Variants in MYCBP2 observed in about 807,000 individuals in gnomAD.
MYCBP2 encodes the protein MYC binding protein 2, also known as E3 ubiquitin-protein ligase MYCBP2.
In MYCBP2, 120 loss-of-function variants were observed where a neutral mutation model predicts 525.3. The ratio of observed to expected loss-of-function variants is 0.23; its 90% CI spans 0.20 to 0.27. The LOEUF (loss-of-function observed/expected upper bound fraction) is 0.27, where lower values mean the gene tolerates loss of function less well. MYCBP2 is among the 10% of genes least tolerant of loss of function. The probability of loss-of-function intolerance (pLI) is 1.00; values close to 1 mark genes in which losing one functional copy is unlikely to be tolerated. For synonymous variants in MYCBP2, 1,894 were observed against 1,955.8 expected, an observed-to-expected ratio of 0.97 and a Z score of 0.83; for missense variants, 4,149 against 5,657.1, an observed-to-expected ratio of 0.73 and a Z score of 8.55.
At chr13:77,295,317 A>C (rs1204460629) in intron 2 of MYCBP2, among the ~76,000 whole-genome samples, 1 of 152,166 alleles carries the variant, frequency 6.6e-6, no homozygotes, top group Admixed American at 6.5e-5. Context: ...TATTTTTCGT[A>C]GAGACAGGGT....
At chr13:77,226,256 T>G (rs1344281096) in intron 18 of MYCBP2, among the ~76,000 whole-genome samples, 1 of 152,120 alleles carries the variant, frequency 6.6e-6, no homozygotes, top group Non-Finnish European at 1.5e-5. Context: ...TCTCACAATT[T>G]CCTTCATTGA....
intron 55 of MYCBP2, among the ~76,000 whole-genome samples, chr13:77,105,737 C>CT (rs1466441441): frequency 6.6e-5 from 10 of 151,972 alleles, no homozygotes; most frequent in South Asian, 2.1e-4. Flanking sequence ...AATTTTGATT[C>CT]TTTTTTGGGT....
intron 33 of MYCBP2, among the ~76,000 whole-genome samples, chr13:77,181,349 A>G (rs1278690316): frequency 6.6e-6 from 1 of 152,144 alleles, no homozygotes; most frequent in African/African-American, 2.4e-5. Flanking sequence ...TCTATCTTAG[A>G]AATCTAAAAT....
intron 3 of MYCBP2, among the ~76,000 whole-genome samples, chr13:77,283,458 C>A (rs1367826546): frequency 6.6e-6 from 1 of 152,068 alleles, no homozygotes; most frequent in Non-Finnish European, 1.5e-5. Flanking sequence ...TTCTCAGGAC[C>A]TAATATAATG....
Position 77,243,075 on chromosome 13 carries a change from T to C in MYCBP2, c.2613A>G (p.Arg871=), listed in dbSNP as rs753400265. ...EKRQRVIRRH[R]LEEGRGPLVF... Reference sequence around the variant, plus strand: ...ACATCTTACCTCTTCCTTCCTCTAATCTGTGCCTTCTGATTACACGTTGCC... The same window carrying C: ...ACATCTTACCTCTTCCTTCCTCTAACCTGTGCCTTCTGATTACACGTTGCC... Residue 871 remains arginine (R), a synonymous_variant, in exon 17 of 83, where the codon AGA becomes AGG. Transcript: ENST00000544440. 17 of 1,614,104 alleles carry C rather than the reference T, an allele frequency of 1.1e-5. No homozygotes were observed. Among genetic ancestry groups the C allele is most frequent in the Non-Finnish European group, 1.2e-5 (14 of 1,179,972 alleles).
intron 30 of MYCBP2, among the ~76,000 whole-genome samples, chr13:77,186,590 A>C (rs1174747783): frequency 6.6e-6 from 1 of 152,170 alleles, no homozygotes. Flanking sequence ...AATAGAAGAT[A>C]AAAATTGACT....
At chr13:77,062,987 AAAC>A (rs2039575559) in intron 73 of MYCBP2, among the ~76,000 whole-genome samples, 1 of 152,198 alleles carries the variant, frequency 6.6e-6, no homozygotes, top group African/African-American at 2.4e-5. Flanking sequence ...TCTACTATGT[AAAC>A]AACATATGAA....
intron 55 of MYCBP2, among the ~76,000 whole-genome samples, chr13:77,116,717 A>G (rs544377651): frequency 6.6e-6 from 1 of 152,172 alleles, no homozygotes; most frequent in East Asian, 1.9e-4. Context: ...GGTGGTACTG[A>G]TAACACATAT....
chr13:77,051,311 T>C (rs967883774), intron 81 of MYCBP2, 149 bp from the exon 82 acceptor site: 32 of 657,654 alleles, frequency 4.9e-5, no homozygotes, highest in Non-Finnish European at 7.3e-5. Flanking sequence ...ATGATACACA[T>C]GTTTGAAAAC....
At chr13:77,069,361 G>A (rs180983942) in intron 69 of MYCBP2, among the ~76,000 whole-genome samples, 2 of 152,284 alleles carry the variant, frequency 1.3e-5, no homozygotes, top group East Asian at 1.9e-4. Context: ...CGTGGCTCAC[G>A]CCTGTAATCC....
At position 77,070,727 on chromosome 13, in the gene MYCBP2, G is replaced by GA. The variant is rs71749271; in HGVS notation, c.11824-17dup. On this transcript the variant is annotated splice_polypyrimidine_tract_variant and intron_variant, in intron 68 of 82. Transcript: ENST00000544440. ...CTGATGTTGCCTTTACATAGAAAAA[G>GA]AAAAAAAAAAAAAAGAATGAAGTGG... 75,415 of 1,059,556 alleles carry GA rather than the reference G, an allele frequency of 0.071. 2 individuals carry two copies. Among genetic ancestry groups the GA allele is most frequent in the East Asian group, 0.079 (2,702 of 34,030 alleles). 65.6% of individuals were successfully genotyped at this position (1,059,556 alleles called of 1,614,324 possible).
intron 20 of MYCBP2, among the ~76,000 whole-genome samples, chr13:77,220,128 G>GT (rs1393196319): frequency 3.9e-5 from 6 of 152,060 alleles, no homozygotes; most frequent in Admixed American, 3.9e-4. Context: ...CATGTTTGCG[G>GT]TTTTATCATG....
At chr13:77,319,887 T>C (rs1050549660) in intron 1 of MYCBP2, among the ~76,000 whole-genome samples, 3 of 152,170 alleles carry the variant, frequency 2.0e-5, no homozygotes, top group Non-Finnish European at 4.4e-5. Flanking sequence ...ACCAACTGCT[T>C]TGGGTAGGAG....
chr13:77,116,177 C>T (rs1423071305), intron 55 of MYCBP2, among the ~76,000 whole-genome samples: 1 of 151,938 alleles, frequency 6.6e-6, no homozygotes, highest in Non-Finnish European at 1.5e-5. Context: ...GTGTTTACTA[C>T]ATAGTGGCGA....
intron 2 of MYCBP2, among the ~76,000 whole-genome samples, chr13:77,289,354 T>TA: frequency 6.6e-6 from 1 of 152,080 alleles, no homozygotes; most frequent in East Asian, 1.9e-4. Flanking sequence ...CAACAATATA[T>TA]AAAAAAGTAA....
chr13:77,175,217 G>A (rs1365055230), intron 36 of MYCBP2, among the ~76,000 whole-genome samples: 2 of 151,282 alleles, frequency 1.3e-5, no homozygotes, highest in African/African-American at 4.9e-5. Flanking sequence ...ACAGGTGTGC[G>A]CTACTGTGCC....
rs554262430 is a variant in MYCBP2, at chr13:77,313,763, C to T, written c.302+12711G>A. 4.6e-5 allele frequency among the ~76,000 whole-genome samples: 7 copies of T among 152,088 alleles called. No homozygotes were observed. In the South Asian group the frequency reaches 1.5e-3, roughly 32 times the overall value. On this transcript the variant is annotated intron_variant, in intron 1 of 82. Transcript: ENST00000544440. ...TACCAAGAACTTTTTTCCCCATCTC[C>T]TCAGTTACACCCTCACAGAATACCA...
chr13:77,217,438 C>G (rs1406749888), intron 21 of MYCBP2, among the ~76,000 whole-genome samples: 1 of 151,962 alleles, frequency 6.6e-6, no homozygotes, highest in Non-Finnish European at 1.5e-5. Flanking sequence ...TAATTTTAAA[C>G]AAATCAAATA....
chr13:77,155,865 CA>C (rs904241942), intron 46 of MYCBP2, among the ~76,000 whole-genome samples, 192 bp downstream of exon 46: 3 of 151,610 alleles, frequency 2.0e-5, no homozygotes, highest in African/African-American at 4.8e-5. Context: ...AACAAACTCA[CA>C]AAAAAAACAG....
Sources: gnomAD v4.1 joint callset for allele counts (sites outside exome capture counted in the v4.1 genomes callset) on GRCh38, gnomAD v4.1.1 for gene constraint, MANE v1.5 for transcripts, NCBI Gene and HGNC (gene_info 2026-07-23, HGNC 2026-07-21) for gene names.